PNPLA8: variants seen among roughly 807,000 people sequenced by gnomAD.
PNPLA8 encodes patatin like domain 8, phospholipase A2, also known as calcium-independent phospholipase A2-gamma.
In PNPLA8, 39 loss-of-function variants were observed where a neutral mutation model predicts 76.9. The ratio of observed to expected loss-of-function variants is 0.51; its 90% confidence interval spans 0.39 to 0.66. The LOEUF (loss-of-function observed/expected upper bound fraction) is 0.66, where lower values mean the gene tolerates loss of function less well. PNPLA8 is among the 30% of genes least tolerant of loss of function. PNPLA8 has a pLI of 0.00. For synonymous variants in PNPLA8, 301 were observed against 307.9 expected (o/e 0.98, Z 0.24); for missense variants, 887 against 918.0 (o/e 0.97, Z 0.44).
In PNPLA8 at chr7:108,472,689, A is replaced by T. The variant is rs374092141; in HGVS notation, c.2075-14T>A. ...TTATATGGACTTCTGTTAAAGCAAA[A>T]AAGAAAAGGATAAGGGGATAAGAAA... is the stretch of plus-strand genomic sequence containing the variant. On this transcript the variant is annotated splice_polypyrimidine_tract_variant and intron_variant, in intron 10 of 10. Transcript: ENST00000257694. 1 of 1,551,054 alleles carries T rather than the reference A, an allele frequency of 6.4e-7. No individual in the cohort carries two copies. The highest frequency in any genetic ancestry group is 2.2e-5 in the Admixed American group (1 of 45,238).
upstream of PNPLA8, among the ~76,000 whole-genome samples, chr7:108,526,591 T>A (rs1314025870): frequency 1.3e-5 from 2 of 152,222 alleles, no homozygotes; most frequent in East Asian, 3.9e-4. Flanking sequence ...AGCTGGGGGC[T>A]GCGATACCAG....
At chr7:108,518,775 ATAT>A (rs1863539412) in intron 2 of PNPLA8, among the ~76,000 whole-genome samples, 1 of 139,662 alleles carries the variant, frequency 7.2e-6, no homozygotes, top group African/African-American at 2.8e-5. Flanking sequence ...ACACACACAC[ATAT>A]ATTAAGAAAT....
At chr7:108,494,401 C>T (rs552169767) in intron 7 of PNPLA8, among the ~76,000 whole-genome samples, 5 of 152,258 alleles carry the variant, frequency 3.3e-5, no homozygotes, top group Middle Eastern at 3.4e-3. Flanking sequence ...ATCAATTGTT[C>T]CCATCCTTAT....
rs543113779 is a variant in PNPLA8 at position 108,510,117 on chromosome 7, T to C, written c.1206+4027A>G. The C allele has an allele frequency of 5.5e-4, 304 of 553,944 alleles. 1 individual carries two copies. The highest frequency in any genetic ancestry group is 2.1e-4 in the Non-Finnish European group (68 of 321,084). The allele number at this position is 553,944 out of a possible 1,614,324, so 34.3% of individuals were successfully genotyped here. A position where few individuals can be genotyped will look rare whatever the true frequency, so the allele number is the denominator to read the frequency against. ...GGGTGCAGCGCACCAGCATGGCACA[T>C]GTATACATATGTAACTAACCTGCAC... On this transcript the variant is annotated intron_variant, in intron 4 of 10. Transcript: ENST00000257694.
At chr7:108,489,129 A>C (rs1860956424) in intron 8 of PNPLA8, among the ~76,000 whole-genome samples, 1 of 152,246 alleles carries the variant, frequency 6.6e-6, no homozygotes, top group East Asian at 1.9e-4. Flanking sequence ...GTTCCCCATA[A>C]CTTTTATTCA....
rs1470165056 is a variant in PNPLA8, at chr7:108,491,446, C to T, written c.1647G>A (p.Leu549=). Residue 549 remains leucine, a synonymous_variant, in exon 8 of 11, where the codon CTG becomes CTA. Coordinates refer to ENST00000257694, the MANE Select transcript of PNPLA8 (RefSeq NM_001256007.3). ...TGGGGTTTCTTGCTGTTTCAATCATCAGTGCAGATCCCATCCTATCCCTTT... is the reference window on the plus strand; with the variant it reads ...TGGGGTTTCTTGCTGTTTCAATCATTAGTGCAGATCCCATCCTATCCCTTT... ...NILKDRMGSA[L]MIETARNPTC... is the part of the protein sequence containing the mutation. 1.1e-5 allele frequency: 17 copies of T among 1,605,278 alleles called. No homozygotes were observed. The Admixed American group carries it at 2.8e-4, about 27-fold the overall frequency.
intron 5 of PNPLA8, among the ~76,000 whole-genome samples, chr7:108,501,241 T>G (rs917278460): frequency 6.6e-6 from 1 of 152,126 alleles, no homozygotes; most frequent in African/African-American, 2.4e-5. Flanking sequence ...CTAGAAGATT[T>G]TGGGGAAAAG....
At chr7:108,523,467 T>C (rs965758551) in intron 1 of PNPLA8, among the ~76,000 whole-genome samples, 1 of 151,706 alleles carries the variant, frequency 6.6e-6, no homozygotes, top group Non-Finnish European at 1.5e-5. Context: ...AGAATCTCTA[T>C]ACATGTCCAG....
chr7:108,512,390 A>G (rs1399034913), intron 4 of PNPLA8, among the ~76,000 whole-genome samples: 1 of 152,110 alleles, frequency 6.6e-6, no homozygotes, highest in East Asian at 1.9e-4. Flanking sequence ...TCTTCTTTTT[A>G]ATTAAAAAAC....
intron 2 of PNPLA8, among the ~76,000 whole-genome samples, 152 bp downstream of exon 2, chr7:108,521,324 T>C (rs951542122): frequency 4.6e-5 from 7 of 152,060 alleles, no homozygotes; most frequent in African/African-American, 1.4e-4. Context: ...ACACCTATAA[T>C]GAAAGGCTGA....
chr7:108,492,009 G>A (rs6980319), intron 7 of PNPLA8, among the ~76,000 whole-genome samples: 15,323 of 152,220 alleles, frequency 0.1, 805 homozygotes, highest in Non-Finnish European at 0.11. Flanking sequence ...GTTGGCATTT[G>A]AATTACTATG....
intron 1 of PNPLA8, among the ~76,000 whole-genome samples, chr7:108,522,303 A>C (rs1863799739): frequency 6.6e-6 from 1 of 150,802 alleles, no homozygotes; most frequent in African/African-American, 2.5e-5. Context: ...CAAAAAAAAA[A>C]ACAAAAAAAG....
Position 108,521,518 on chromosome 7 carries a change from C to A in PNPLA8, c.-126G>T. 1.3e-6 allele frequency: 1 copy of A among 768,292 alleles called. No individual in the cohort carries two copies. The highest frequency in any genetic ancestry group is 1.6e-6 in the Non-Finnish European group (1 of 633,438). 47.6% of individuals were successfully genotyped at this position (768,292 alleles called of 1,614,324 possible). A position where few individuals can be genotyped will look rare whatever the true frequency, so the allele number is the denominator to read the frequency against. ...ATCATGTAGACCTTGGAGGAGAAGACAATCTATTGAGAAATAAAACAAATA... is the reference window on the plus strand; with the variant it reads ...ATCATGTAGACCTTGGAGGAGAAGAAAATCTATTGAGAAATAAAACAAATA... On this transcript the variant is annotated 5_prime_UTR_variant, in exon 2 of 11. Coordinates refer to ENST00000257694, the MANE Select transcript of PNPLA8 (RefSeq NM_001256007.3).
intron 1 of PNPLA8, among the ~76,000 whole-genome samples, chr7:108,524,372 A>G (rs1863941032): frequency 6.6e-6 from 1 of 152,186 alleles, no homozygotes; most frequent in Non-Finnish European, 1.5e-5. Context: ...TGCCACCCAG[A>G]GCTAGGAAGA....
intron 1 of PNPLA8, among the ~76,000 whole-genome samples, chr7:108,523,655 T>C (rs1045598649): frequency 3.9e-4 from 60 of 152,338 alleles, no homozygotes; most frequent in African/African-American, 1.3e-3. Flanking sequence ...TGAGCTGTCC[T>C]CTCTTGCTGA....
chr7:108,487,336 C>T (rs1189229477), intron 9 of PNPLA8, among the ~76,000 whole-genome samples: 1 of 152,160 alleles, frequency 6.6e-6, no homozygotes, highest in African/African-American at 2.4e-5. Flanking sequence ...GTGTCTGGCA[C>T]ACAGCTAACT....
intron 1 of PNPLA8, among the ~76,000 whole-genome samples, chr7:108,525,500 AAC>A (rs1421130229): frequency 1.3e-5 from 2 of 152,240 alleles, no homozygotes; most frequent in African/African-American, 2.4e-5. Context: ...GAAGCACTGC[AAC>A]ACAGTGATTC....
intron 2 of PNPLA8, chr7:108,518,156 A>G (rs1863472520): frequency 6.6e-6 from 1 of 152,066 alleles, no homozygotes; most frequent in Non-Finnish European, 1.5e-5. Context: ...TAAGGGCTAC[A>G]CCCTCCTGAC....
chr7:108,496,546 T>C (rs763291396), intron 7 of PNPLA8, 38 bp downstream of exon 7: 2 of 1,352,290 alleles, frequency 1.5e-6, no homozygotes, highest in Non-Finnish European at 2.1e-6. Flanking sequence ...ATACTACCTA[T>C]ATAATCAGAA....
Sources: allele counts gnomAD v4.1 joint callset (sites outside exome capture counted in the v4.1 genomes callset), GRCh38; gene constraint gnomAD v4.1.1; transcripts MANE v1.5; gene names NCBI Gene and HGNC (gene_info 2026-07-23, HGNC 2026-07-21).